The following FAF1 variants were observed in gnomAD, a reference collection of about 807,000 sequenced individuals.
The protein encoded by FAF1 is FAS-associated factor 1.
FAF1 carries 25 observed loss-of-function variants against 92.5 expected under a neutral mutation model. The ratio of observed to expected loss-of-function variants is 0.27; its 90% CI spans 0.20 to 0.38. FAF1 has a LOEUF of 0.38. Ranked by LOEUF, FAF1 falls within the 10% of genes least tolerant of loss-of-function variation. The probability of loss-of-function intolerance (pLI) is 1.00; values close to 1 mark genes in which losing one functional copy is unlikely to be tolerated. For missense variants in FAF1, 636 were observed against 793.3 expected, an observed-to-expected ratio of 0.80 and a Z score of 2.38; for synonymous variants, 234 against 273.2, an observed-to-expected ratio of 0.86 and a Z score of 1.42.
chr1:50,459,459 G>C (rs1173273936), intron 18 of FAF1, among the ~76,000 whole-genome samples: 3 of 152,052 alleles, frequency 2.0e-5, no homozygotes, highest in Non-Finnish European at 2.9e-5. Flanking sequence ...ATCCCAAAGT[G>C]AACCTGCCTC....
At chr1:50,715,893 T>G (rs911228238) in intron 6 of FAF1, among the ~76,000 whole-genome samples, 2 of 152,202 alleles carry the variant, frequency 1.3e-5, no homozygotes, top group Non-Finnish European at 2.9e-5. Flanking sequence ...ACAGGTATTT[T>G]TATATATATG....
intron 13 of FAF1, among the ~76,000 whole-genome samples, chr1:50,547,391 T>C (rs1412687986): frequency 6.6e-6 from 1 of 151,848 alleles, no homozygotes; most frequent in East Asian, 1.9e-4. Flanking sequence ...AATAGATTAG[T>C]AGTCAGAGTT....
rs184201140 is a variant in FAF1, at chr1:50,808,987, A to G, written c.115-7310T>C. ...AACACAGAAGCACCCAGATTCAAAC[A>G]GCAAATACTTAGAGATCAATGAAGA... On this transcript the variant is annotated intron_variant, in intron 2 of 18. Transcript: ENST00000396153. Among the ~76,000 whole-genome samples the G allele has an allele frequency of 5.3e-5, 8 of 152,320 alleles. No individual in the cohort carries two copies. The East Asian group carries it at 1.4e-3, about 26-fold the overall frequency.
At chr1:50,751,389 C>T (rs528112013) in intron 4 of FAF1, among the ~76,000 whole-genome samples, 1 of 152,244 alleles carries the variant, frequency 6.6e-6, no homozygotes, top group South Asian at 2.1e-4. Flanking sequence ...TGCTGGAGTG[C>T]AGCAGCATGA....
At chr1:50,932,204 C>T (rs114541491) in intron 1 of FAF1, among the ~76,000 whole-genome samples, 7,565 of 152,216 alleles carry the variant, frequency 0.05, 261 homozygotes, top group Non-Finnish European at 0.073. Flanking sequence ...ATCATGCCTT[C>T]CCAATAGTCC....
intron 4 of FAF1, among the ~76,000 whole-genome samples, chr1:50,783,983 G>A (rs953771484): frequency 4.6e-5 from 7 of 152,100 alleles, no homozygotes; most frequent in African/African-American, 1.7e-4. Context: ...GCTTTTGACA[G>A]AAGTCAACAT....
At chr1:50,642,110 C>T (rs542592997) in intron 8 of FAF1, among the ~76,000 whole-genome samples, 3 of 148,284 alleles carry the variant, frequency 2.0e-5, no homozygotes, top group Non-Finnish European at 4.5e-5. Context: ...GGCTGAGGCA[C>T]GAGAATTGCT....
chr1:50,843,796 A>G (rs115111623), intron 2 of FAF1, among the ~76,000 whole-genome samples: 408 of 152,080 alleles, frequency 2.7e-3, no homozygotes, highest in Non-Finnish European at 4.7e-3. Flanking sequence ...ATGAACACTT[A>G]GGTTGATTCC....
chr1:50,590,371 A>T (rs550238784), intron 9 of FAF1, among the ~76,000 whole-genome samples: 1 of 152,236 alleles, frequency 6.6e-6, no homozygotes, highest in South Asian at 2.1e-4. Context: ...TTCTTTTATT[A>T]GTTAATTCCT....
chr1:50,672,124 C>A (rs558790590), intron 7 of FAF1, among the ~76,000 whole-genome samples: 1 of 152,036 alleles, frequency 6.6e-6, no homozygotes, highest in South Asian at 2.1e-4. Context: ...CAGCTCACTG[C>A]AACCTCTGCC....
intron 13 of FAF1, 31 bp downstream of exon 13, chr1:50,567,046 C>T (rs763648331): frequency 6.8e-7 from 1 of 1,474,086 alleles, no homozygotes; most frequent in South Asian, 1.5e-5. Flanking sequence ...TAATAGAAGC[C>T]CAACTTGTAA....
At chr1:50,910,061 G>A (rs957971202) in intron 1 of FAF1, among the ~76,000 whole-genome samples, 2 of 152,124 alleles carry the variant, frequency 1.3e-5, no homozygotes, top group African/African-American at 2.4e-5. Context: ...ACGGGGTTTT[G>A]GTGTGGATGT....
chr1:50,632,252 T>A (rs144812012), intron 8 of FAF1, among the ~76,000 whole-genome samples: 14 of 152,352 alleles, frequency 9.2e-5, no homozygotes, highest in African/African-American at 2.4e-4. Flanking sequence ...TTTCTTAGTC[T>A]GAATTACAAA....
intron 13 of FAF1, among the ~76,000 whole-genome samples, chr1:50,546,688 AC>A (rs1188941532): frequency 6.6e-6 from 1 of 152,054 alleles, no homozygotes; most frequent in Admixed American, 6.5e-5. Context: ...ATACAAAATA[AC>A]CTCTGGATGG....
intron 1 of FAF1, among the ~76,000 whole-genome samples, chr1:50,910,774 G>A (rs1056798917): frequency 5.3e-5 from 8 of 151,900 alleles, no homozygotes; most frequent in East Asian, 1.9e-4. Context: ...TCCAGGTACC[G>A]TCTGTCACAG....
chr1:50,702,232 T>C (rs1017264578), intron 7 of FAF1, among the ~76,000 whole-genome samples: 1 of 152,130 alleles, frequency 6.6e-6, no homozygotes, highest in Non-Finnish European at 1.5e-5. Context: ...TTTTTTCCCC[T>C]TAATTTAACC....
At chr1:50,854,765 A>C (rs1373428958) in intron 2 of FAF1, among the ~76,000 whole-genome samples, 1 of 151,908 alleles carries the variant, frequency 6.6e-6, no homozygotes, top group Non-Finnish European at 1.5e-5. Flanking sequence ...CAGTGTGTTT[A>C]GATCTACAAA....
chr1:50,645,823 G>T (rs746396342), intron 8 of FAF1, among the ~76,000 whole-genome samples: 2 of 140,088 alleles, frequency 1.4e-5, no homozygotes, highest in African/African-American at 5.6e-5. Flanking sequence ...GTGAGACTCC[G>T]TCTAAAAAAA....
At chr1:50,655,118 C>T (rs981972243) in intron 8 of FAF1, among the ~76,000 whole-genome samples, 2 of 151,546 alleles carry the variant, frequency 1.3e-5, no homozygotes, top group African/African-American at 4.8e-5. Flanking sequence ...TAGAGGCGGC[C>T]GCCAAGTGAT....
Sources: allele counts gnomAD v4.1 joint callset (sites outside exome capture counted in the v4.1 genomes callset), GRCh38; gene constraint gnomAD v4.1.1; transcripts MANE v1.5; gene names NCBI Gene and HGNC (gene_info 2026-07-23, HGNC 2026-07-21).